KCNK2: variants seen among roughly 807,000 people sequenced by gnomAD.
KCNK2 encodes the protein potassium channel subfamily K member 2.
A neutral mutation model predicts 40.5 loss-of-function variants in KCNK2; 21 were observed. That is an observed-to-expected ratio of 0.52 (90% CI 0.37 to 0.75). KCNK2 has a LOEUF of 0.75. KCNK2 is among the 30% of genes least tolerant of loss of function. The probability of loss-of-function intolerance (pLI) is 0.00; values close to 1 mark genes in which losing one functional copy is unlikely to be tolerated. For synonymous variants in KCNK2, 191 were observed against 202.2 expected, an observed-to-expected ratio of 0.94 and a Z score of 0.47; for missense variants, 399 against 531.6, an observed-to-expected ratio of 0.75 and a Z score of 2.45.
intron 1 of KCNK2, among the ~76,000 whole-genome samples, chr1:215,061,950 C>T (rs1658375430): frequency 6.6e-6 from 1 of 151,794 alleles, no homozygotes; most frequent in African/African-American, 2.4e-5. Context: ...AGGAAATCAT[C>T]CTGGAATTAT....
At position 215,083,238 on chromosome 1, in the gene KCNK2, T is replaced by A; in HGVS notation, c.-148T>A. 4.0e-6 allele frequency: 4 copies of A among 988,686 alleles called. No individual in the cohort carries two copies. Among genetic ancestry groups the A allele is most frequent in the Non-Finnish European group, 5.2e-6 (4 of 770,320 alleles). 61.2% of individuals were successfully genotyped at this position (988,686 alleles called of 1,614,324 possible). Reference sequence around the variant, plus strand: ...CGCGTCCAGCCCCGCTCTCCCCACCTTGTAAAACAAAGCCGGGGAAAATGC... The same window carrying A: ...CGCGTCCAGCCCCGCTCTCCCCACCATGTAAAACAAAGCCGGGGAAAATGC... On this transcript the variant is annotated 5_prime_UTR_variant, in exon 1 of 7. The change creates a new upstream start codon in the 5' untranslated region. Transcript: ENST00000444842.
At chr1:215,022,136 T>TATCTGTCTATCTAATC (rs1656826122) in intron 1 of KCNK2, among the ~76,000 whole-genome samples, 1 of 151,058 alleles carries the variant, frequency 6.6e-6, no homozygotes, top group South Asian at 2.1e-4. Flanking sequence ...TCTAATCATC[T>TATCTGTCTATCTAATC]ATCTATCTAA....
At chr1:215,037,149 A>G (rs1405827079) in intron 1 of KCNK2, among the ~76,000 whole-genome samples, 2 of 151,794 alleles carry the variant, frequency 1.3e-5, no homozygotes, top group Non-Finnish European at 2.9e-5. Flanking sequence ...GCTACGAGCC[A>G]TAAGGTTTTA....
At chr1:215,229,734 T>G (rs2102710195) in intron 6 of KCNK2, among the ~76,000 whole-genome samples, 1 of 152,178 alleles carries the variant, frequency 6.6e-6, no homozygotes, top group East Asian at 1.9e-4. Flanking sequence ...ATTGGTGGTT[T>G]AGATGAGTTG....
At chr1:215,059,495 A>G (rs1358481908) in intron 1 of KCNK2, among the ~76,000 whole-genome samples, 1 of 152,218 alleles carries the variant, frequency 6.6e-6, no homozygotes, top group East Asian at 1.9e-4. Flanking sequence ...TATATACTAT[A>G]TAGAGAAAAA....
intron 1 of KCNK2, among the ~76,000 whole-genome samples, chr1:215,015,999 A>G (rs1656572686): frequency 6.6e-6 from 1 of 152,164 alleles, no homozygotes; most frequent in Non-Finnish European, 1.5e-5. Context: ...GGAGAAAAGC[A>G]TTTCCAGGTC....
chr1:215,132,610 A>C (rs1661725805), intron 3 of KCNK2, among the ~76,000 whole-genome samples: 2 of 152,226 alleles, frequency 1.3e-5, no homozygotes, highest in South Asian at 4.1e-4. Context: ...GAAATACAAA[A>C]ATTGAAATTA....
At chr1:215,048,763 C>A (rs576537483) in intron 1 of KCNK2, among the ~76,000 whole-genome samples, 1 of 152,250 alleles carries the variant, frequency 6.6e-6, no homozygotes, top group Non-Finnish European at 1.5e-5. Flanking sequence ...AGCTCTGTTC[C>A]CTGCTCTGGC....
chr1:215,018,065 T>C (rs989402226), intron 1 of KCNK2, among the ~76,000 whole-genome samples: 4 of 152,158 alleles, frequency 2.6e-5, no homozygotes, highest in Non-Finnish European at 4.4e-5. Flanking sequence ...ATATGCACAA[T>C]TGAGAACATA....
chr1:215,232,662 T>C (rs1666716810), intron 6 of KCNK2, among the ~76,000 whole-genome samples: 1 of 152,226 alleles, frequency 6.6e-6, no homozygotes, highest in Admixed American at 6.5e-5. Context: ...TGAATTTTGA[T>C]GCACAAAGCC....
At chr1:215,175,966 T>C (rs1487510828) in intron 5 of KCNK2, among the ~76,000 whole-genome samples, 1 of 152,120 alleles carries the variant, frequency 6.6e-6, no homozygotes, top group Non-Finnish European at 1.5e-5. Context: ...AACACATGTG[T>C]GTATGTGACT....
intron 3 of KCNK2, among the ~76,000 whole-genome samples, chr1:215,158,456 C>T (rs1412836895): frequency 6.6e-6 from 1 of 152,130 alleles, no homozygotes; most frequent in Non-Finnish European, 1.5e-5. Flanking sequence ...ATTTCTTATG[C>T]TCTTTTAACT....
At chr1:215,055,743 T>C (rs1658135164) in intron 1 of KCNK2, among the ~76,000 whole-genome samples, 1 of 152,236 alleles carries the variant, frequency 6.6e-6, no homozygotes, top group South Asian at 2.1e-4. Flanking sequence ...GAATGTTTGT[T>C]AGGTCTAGCA....
chr1:215,014,572 A>G (rs974157388), intron 1 of KCNK2, among the ~76,000 whole-genome samples: 1 of 152,062 alleles, frequency 6.6e-6, no homozygotes, highest in African/African-American at 2.4e-5. Context: ...TGTAATAAAG[A>G]AAAACAAGTG....
intron 1 of KCNK2, among the ~76,000 whole-genome samples, chr1:215,037,596 G>A (rs375318622): frequency 1.3e-5 from 2 of 151,912 alleles, no homozygotes; most frequent in East Asian, 3.9e-4. Flanking sequence ...TGAAAGAGTT[G>A]TGTATATTAT....
chr1:215,007,039 G>A (rs374347477), intron 1 of KCNK2, among the ~76,000 whole-genome samples: 13,010 of 59,554 alleles, frequency 0.22, 2,003 homozygotes, highest in Non-Finnish European at 0.27. Context: ...ATATATATAT[G>A]TGTGTGTGTG....
At chr1:215,215,167 A>G (rs1030762043) in intron 6 of KCNK2, among the ~76,000 whole-genome samples, 1 of 152,004 alleles carries the variant, frequency 6.6e-6, no homozygotes, top group African/African-American at 2.4e-5. Flanking sequence ...CATTGATTTA[A>G]TAAGAGATAA....
At chr1:215,232,168 A>G (rs1470238361) in intron 6 of KCNK2, among the ~76,000 whole-genome samples, 1 of 152,238 alleles carries the variant, frequency 6.6e-6, no homozygotes, top group Non-Finnish European at 1.5e-5. Flanking sequence ...TATTTGTAAC[A>G]GCTAAAAAAA....
chr1:215,109,674 A>G (rs1289106820), intron 2 of KCNK2, among the ~76,000 whole-genome samples: 3 of 152,040 alleles, frequency 2.0e-5, no homozygotes, highest in Non-Finnish European at 4.4e-5. Flanking sequence ...ATTGTGCTGC[A>G]ATAAACATGA....
Sources: gnomAD v4.1 joint callset for allele counts (sites outside exome capture counted in the v4.1 genomes callset) on GRCh38, gnomAD v4.1.1 for gene constraint, MANE v1.5 for transcripts, NCBI Gene and HGNC (gene_info 2026-07-23, HGNC 2026-07-21) for gene names.